LY86: variants seen among roughly 807,000 people sequenced by gnomAD.
The protein encoded by LY86 is MD-1, RP105-associated.
A neutral mutation model predicts 17.3 loss-of-function variants in LY86; 20 were observed. The ratio of observed to expected loss-of-function variants is 1.15; its 90% CI spans 0.81 to 1.68. The LOEUF (loss-of-function observed/expected upper bound fraction) is 1.68, where lower values mean the gene tolerates loss of function less well. LY86 is among the 40% of genes most tolerant of loss of function. The probability of loss-of-function intolerance (pLI) is 0.00; values close to 1 mark genes in which losing one functional copy is unlikely to be tolerated. For missense variants in LY86, 200 were observed against 191.9 expected (o/e 1.04, Z -0.25); for synonymous variants, 74 against 70.6 (o/e 1.05, Z -0.24).
chr6:6,603,615 C>CAAAAAAAAAAAAAAAAAAAA (rs1221531073), intron 1 of LY86, among the ~76,000 whole-genome samples: 3 of 114,168 alleles, frequency 2.6e-5, no homozygotes, highest in African/African-American at 1.0e-4. Context: ...GAAAAAAAAA[C>CAAAAAAAAAAAAAAAAAAAA]AAACAAAAAA....
At position 6,593,543 on chromosome 6, in the gene LY86, A is replaced by G. The variant is rs1483103623; in HGVS notation, c.136+4673A>G. The stretch of plus-strand genomic sequence containing the variant: ...GCTGTGTGAAGATTATGTGAGAAGG[A>G]CTATATGAAAGGTGCTTAGCACATA... On this transcript the variant is annotated intron_variant, in intron 1 of 4. Coordinates refer to ENST00000230568, the MANE Select transcript of LY86 (RefSeq NM_004271.4). Among the ~76,000 whole-genome samples the G allele has an allele frequency of 2.0e-5, 3 of 152,216 alleles. No individual in the cohort carries two copies. In the East Asian group the frequency reaches 5.8e-4, roughly 29 times the overall value.
At chr6:6,610,549 G>T (rs1208178871) in intron 1 of LY86, among the ~76,000 whole-genome samples, 1 of 152,138 alleles carries the variant, frequency 6.6e-6, no homozygotes, top group African/African-American at 2.4e-5. Context: ...GCTTAGGGGG[G>T]GGCAAGGTGA....
intron 1 of LY86, chr6:6,620,825 C>G (rs1255764425): frequency 6.6e-6 from 1 of 152,280 alleles, no homozygotes. Context: ...CTATTTTACT[C>G]CATGAATGTC....
intron 3 of LY86, among the ~76,000 whole-genome samples, chr6:6,643,178 A>G (rs1056098789): frequency 6.6e-5 from 10 of 152,234 alleles, no homozygotes; most frequent in African/African-American, 2.2e-4. Flanking sequence ...AGGAATCTCC[A>G]CACTGTTTTC....
At chr6:6,595,228 G>A (rs1170924704) in intron 1 of LY86, among the ~76,000 whole-genome samples, 2 of 150,602 alleles carry the variant, frequency 1.3e-5, no homozygotes, top group African/African-American at 4.9e-5. Flanking sequence ...GGGAAAAGGA[G>A]TAGGAGGAGG....
At chr6:6,651,392 CCACTAT>C (rs765970472) in intron 4 of LY86, among the ~76,000 whole-genome samples, 2 of 152,150 alleles carry the variant, frequency 1.3e-5, no homozygotes, top group Non-Finnish European at 2.9e-5. Flanking sequence ...TCTCAGATTC[CCACTAT>C]CATTGCTCTT....
chr6:6,637,717 A>G (rs1310658866), intron 3 of LY86, among the ~76,000 whole-genome samples: 1 of 152,108 alleles, frequency 6.6e-6, no homozygotes, highest in Non-Finnish European at 1.5e-5. Context: ...CCCCAGTGTG[A>G]GAAACGCAGC....
intron 1 of LY86, among the ~76,000 whole-genome samples, chr6:6,605,360 A>G (rs375901689): frequency 7.2e-5 from 11 of 152,352 alleles, no homozygotes; most frequent in East Asian, 5.8e-4. Flanking sequence ...AGTCAATTCT[A>G]GGCTTGGCTG....
At chr6:6,589,880 G>T (rs532245007) in intron 1 of LY86, among the ~76,000 whole-genome samples, 1 of 152,038 alleles carries the variant, frequency 6.6e-6, no homozygotes, top group Non-Finnish European at 1.5e-5. Flanking sequence ...CCAGCACTTT[G>T]GGAGGCTGAG....
intron 3 of LY86, among the ~76,000 whole-genome samples, chr6:6,638,897 G>A (rs1761999198): frequency 7.0e-6 from 1 of 143,822 alleles, no homozygotes; most frequent in Admixed American, 7.5e-5. Context: ...CTATGAATGA[G>A]AACATGCGCC....
At chr6:6,608,877 T>C (rs1248430975) in intron 1 of LY86, among the ~76,000 whole-genome samples, 2 of 152,252 alleles carry the variant, frequency 1.3e-5, no homozygotes, top group Non-Finnish European at 2.9e-5. Context: ...CCTTTATTCA[T>C]CCGAAATCCA....
chr6:6,605,107 A>T (rs1449900642), intron 1 of LY86, among the ~76,000 whole-genome samples: 1 of 152,098 alleles, frequency 6.6e-6, no homozygotes, highest in African/African-American at 2.4e-5. Flanking sequence ...ATGACCCCAG[A>T]AGTCAGTTTT....
At chr6:6,634,846 G>A (rs1354588806) in intron 3 of LY86, among the ~76,000 whole-genome samples, 1 of 152,194 alleles carries the variant, frequency 6.6e-6, no homozygotes, top group Non-Finnish European at 1.5e-5. Context: ...AATTTGGGGG[G>A]AGTGCTGGGA....
At chr6:6,599,374 C>T (rs963769100) in intron 1 of LY86, among the ~76,000 whole-genome samples, 8 of 152,230 alleles carry the variant, frequency 5.3e-5, no homozygotes, top group African/African-American at 1.9e-4. Context: ...AGCACTTTCC[C>T]TTAACCTACC....
chr6:6,591,038 A>G (rs1206655581), intron 1 of LY86: 2 of 153,658 alleles, frequency 1.3e-5, no homozygotes, highest in South Asian at 2.1e-4. Context: ...CTAGTATCCC[A>G]TTCATTTTCA....
At chr6:6,645,839 G>C (rs925406742) in intron 3 of LY86, among the ~76,000 whole-genome samples, 7 of 151,740 alleles carry the variant, frequency 4.6e-5, no homozygotes, top group Non-Finnish European at 8.8e-5. Flanking sequence ...GGAATTTCTT[G>C]AAAGGACATT....
intron 1 of LY86, among the ~76,000 whole-genome samples, chr6:6,605,126 A>C (rs967640713): frequency 1.3e-5 from 2 of 152,128 alleles, no homozygotes; most frequent in African/African-American, 4.8e-5. Context: ...TTGAGATATA[A>C]AATGGAATGA....
rs75750640 is a variant in LY86 at position 6,612,445 on chromosome 6, G to A, written c.137-12481G>A. Reference sequence around the variant, plus strand: ...CATAAAAGAAACCGCAAACCTTCATGGGGAGTGTTACACTTCATAAAAGCA... The same window carrying A: ...CATAAAAGAAACCGCAAACCTTCATAGGGAGTGTTACACTTCATAAAAGCA... On this transcript the variant is annotated intron_variant, in intron 1 of 4. Coordinates refer to ENST00000230568, the MANE Select transcript of LY86 (RefSeq NM_004271.4). 1.4e-3 allele frequency among the ~76,000 whole-genome samples: 207 copies of A among 152,282 alleles called. 3 individuals carry two copies. The East Asian group carries it at 0.029, about 21-fold the overall frequency.
At chr6:6,628,302 C>T (rs2113143857) in intron 3 of LY86, among the ~76,000 whole-genome samples, 1 of 137,736 alleles carries the variant, frequency 7.3e-6, no homozygotes, top group Middle Eastern at 3.6e-3. Context: ...CCCTCCCCTT[C>T]TTCCTTCTCT....
Sources: gnomAD v4.1 joint callset for allele counts (sites outside exome capture counted in the v4.1 genomes callset) on GRCh38, gnomAD v4.1.1 for gene constraint, MANE v1.5 for transcripts, NCBI Gene and HGNC (gene_info 2026-07-23, HGNC 2026-07-21) for gene names.